PLIN1: variants seen among roughly 807,000 people sequenced by gnomAD.
The protein encoded by PLIN1 is perilipin-1.
PLIN1 carries 37 observed loss-of-function variants against 45.8 expected under a neutral mutation model. That is an observed-to-expected ratio of 0.81 (90% CI 0.62 to 1.06). The LOEUF (loss-of-function observed/expected upper bound fraction) is 1.06. PLIN1 is among the 50% of genes least tolerant of loss of function. The pLI, the probability that PLIN1 is intolerant of heterozygous loss-of-function variation, is 0.00. For synonymous variants in PLIN1, 340 were observed against 309.2 expected, an observed-to-expected ratio of 1.10 and a Z score of -1.05; for missense variants, 776 against 716.5, an observed-to-expected ratio of 1.08 and a Z score of -0.95.
Position 89,673,272 on chromosome 15 carries a change from T to C in PLIN1, c.188A>G (p.Gln63Arg). ...SVCNAYEKGV[Q>R]SASSLAAWSM... The stretch of plus-strand genomic sequence containing the variant: ...CCAGGCAGCCAAGCTACTGGCGCTC[T>C]GCACGCCCTTCTCATAGGCATTGCA... The change falls in exon 3 of 9, where the codon CAG (glutamine) becomes CGG (arginine). Residue 63 changes from glutamine (Q) to arginine (R), a missense_variant. Gln to Arg is a conservative substitution (Grantham distance 43, BLOSUM62 1). Transcript: ENST00000300055. 1.3e-6 allele frequency: 2 copies of C among 1,581,430 alleles called. No individual in the cohort carries two copies. The highest frequency in any genetic ancestry group is 1.7e-6 in the Non-Finnish European group (2 of 1,162,382).
chr15:89,667,231 T>C (rs1280311137), intron 7 of PLIN1, 50 bp from the exon 8 acceptor site: 3 of 1,607,660 alleles, frequency 1.9e-6, no homozygotes, highest in Admixed American at 1.7e-5. Flanking sequence ...CCCCTGACCC[T>C]TCCCTCCCCA....
chr15:89,666,485 G>A (rs776291137), intron 8 of PLIN1, among the ~76,000 whole-genome samples: 1 of 152,194 alleles, frequency 6.6e-6, no homozygotes, highest in African/African-American at 2.4e-5. Context: ...GTATCCCCTG[G>A]GTTTTTCCTA....
rs771132427 is a variant in PLIN1 at position 89,665,903 on chromosome 15, G to T, written c.1249C>A (p.Arg417=). Residue 417 remains arginine (R), a synonymous_variant, in exon 9 of 9, where the codon CGG becomes AGG. Transcript: ENST00000300055. ...TCGGCTGGTGGGTTGTCGATGTCCC[G>T]GAATTCGCTCTCGGGCTCCATCAGC... The part of the protein sequence containing the change: ...LSLMEPESEF[R]DIDNPPAEVE... The T allele has an allele frequency of 6.5e-7, 1 of 1,535,774 alleles. No individual in the cohort carries two copies. The highest frequency in any genetic ancestry group is 1.4e-5 in the African/African-American group (1 of 71,176).
intron 1 of PLIN1, chr15:89,677,909 C>G (rs2141541572): frequency 5.7e-6 from 1 of 174,082 alleles, no homozygotes; most frequent in Admixed American, 5.6e-5. Flanking sequence ...CACCACCACG[C>G]CCGGCTAGTT....
At chr15:89,678,281 A>G (rs969991460) in intron 1 of PLIN1, among the ~76,000 whole-genome samples, 11 of 151,806 alleles carry the variant, frequency 7.2e-5, no homozygotes, top group African/African-American at 1.9e-4. Context: ...AGTCCAAGGC[A>G]GGCAGATCAC....
At chr15:89,670,375 A>G in intron 4 of PLIN1, 131 bp from the exon 5 acceptor site, 2 of 883,076 alleles carry the variant, frequency 2.3e-6, no homozygotes, top group South Asian at 3.6e-5. Flanking sequence ...ACTGGTACTG[A>G]TATTTAGGTA....
intron 2 of PLIN1, among the ~76,000 whole-genome samples, chr15:89,674,206 A>G (rs1567079993): frequency 6.6e-6 from 1 of 152,240 alleles, no homozygotes; most frequent in Admixed American, 6.5e-5. Flanking sequence ...GGGACTTTGT[A>G]GTAAGAATCC....
Position 89,667,773 on chromosome 15 carries a change from AC to A in PLIN1, c.791del (p.Gly264ValfsTer59), listed in dbSNP as rs1305098761. On this transcript the variant is annotated frameshift_variant, in exon 7 of 9. Transcript: ENST00000300055. LOFTEE classifies it high-confidence loss of function. ...ACACCGCCTGCATGGCCACTGAGGCACCCCACTGGGCCAGGCTGCTCTGAGG... is the reference window on the plus strand; with the variant it reads ...ACACCGCCTGCATGGCCACTGAGGCACCCACTGGGCCAGGCTGCTCTGAGG... ...VVPLSSLAQW[G>X]ASVAMQAVSR... 6.4e-7 allele frequency: 1 copy of A among 1,560,074 alleles called. No individual in the cohort carries two copies.
chr15:89,666,003 C>T, intron 8 of PLIN1, 61 bp from the exon 9 acceptor site: 1 of 1,259,760 alleles, frequency 7.9e-7, no homozygotes. Flanking sequence ...GCCTCTGACC[C>T]ACCGCCCCTT....
At position 89,670,079 on chromosome 15, in the gene PLIN1, T is replaced by C; in HGVS notation, c.499A>G (p.Thr167Ala). ...CCAGAAGCCAGTCGGCCAGCTCGAG[T>C]GTTGGCAGCAAATTCCGCAGTGTCT... ...ARDTAEFAAN[T>A]RAGRLASGGA... Residue 167 changes from threonine to alanine, a missense_variant, in exon 5 of 9, where the codon ACT (threonine) becomes GCT (alanine). By Grantham distance (58) the Thr-to-Ala change is moderately conservative. Coordinates refer to ENST00000300055, the MANE Select transcript of PLIN1 (RefSeq NM_002666.5). The C allele has an allele frequency of 1.2e-6, 2 of 1,613,914 alleles. No individual in the cohort carries two copies. Among genetic ancestry groups the C allele is most frequent in the Non-Finnish European group, 1.7e-6 (2 of 1,179,964 alleles).
Position 89,667,698 on chromosome 15 carries a change from G to A in PLIN1, c.867C>T (p.Ala289=), listed in dbSNP as rs375489339. 8.2e-5 allele frequency: 131 copies of A among 1,588,680 alleles called. No individual in the cohort carries two copies. The highest frequency in any genetic ancestry group is 5.5e-4 in the East Asian group (24 of 43,566). ...VRVPWLHSLA[A]AQEEDHEDQT... The stretch of plus-strand genomic sequence containing the variant: ...GGTCCTCATGATCCTCCTCCTGGGC[G>A]GCTGCGAGGCTGTGCAGCCAGGGTA... Residue 289 remains alanine, a synonymous_variant, in exon 7 of 9, where the codon GCC becomes GCT. Coordinates refer to ENST00000300055, the MANE Select transcript of PLIN1 (RefSeq NM_002666.5).
At position 89,669,503 on chromosome 15, in the gene PLIN1, G is replaced by C. The variant is rs758633756; in HGVS notation, c.768C>G (p.Pro256=). The change falls in exon 6 of 9, where the codon CCC becomes CCG. Residue 256 remains proline, a synonymous_variant. Transcript: ENST00000300055. ...AGAGCTCACGGCAGATACTTACCAG[G>C]GGCACCACGCCTGGGATCCACATGG... ...TVAMWIPGVV[P]LSSLAQWGAS... The C allele has an allele frequency of 2.5e-6, 4 of 1,611,338 alleles. No homozygotes were observed. The highest frequency in any genetic ancestry group is 3.4e-6 in the Non-Finnish European group (4 of 1,179,788).
In PLIN1 at chr15:89,669,464, G is replaced by A. The variant is rs747845243; in HGVS notation, c.771+36C>T. On this transcript the variant is annotated intron_variant, in intron 6 of 8. Transcript: ENST00000300055. The stretch of plus-strand genomic sequence containing the variant: ...ACTAGGAGGCCCACAGGGCTCCCAG[G>A]CACCGGGTCAGTCAGAGCTCACGGC... The A allele has an allele frequency of 1.9e-6, 3 of 1,583,580 alleles. No individual in the cohort carries two copies. In the Admixed American group the frequency reaches 5.0e-5, roughly 26 times the overall value.
At chr15:89,670,804 T>C (rs1011056712) in intron 4 of PLIN1, among the ~76,000 whole-genome samples, 4 of 152,150 alleles carry the variant, frequency 2.6e-5, no homozygotes, top group African/African-American at 9.7e-5. Flanking sequence ...GGGGAGACAC[T>C]GGTTTCCTCT....
At chr15:89,669,952 C>A in intron 5 of PLIN1, 28 bp downstream of exon 5, 2 of 1,599,908 alleles carry the variant, frequency 1.3e-6, no homozygotes, top group Non-Finnish European at 1.7e-6. Flanking sequence ...CAACTCACTC[C>A]CAGGCCGAGC....
rs1964469656 is a variant in PLIN1 at position 89,673,373 on chromosome 15, C to G, written c.87G>C (p.Val29=). The change falls in exon 3 of 9, where the codon GTG becomes GTC. Residue 29 remains valine, a synonymous_variant. Coordinates refer to ENST00000300055, the MANE Select transcript of PLIN1 (RefSeq NM_002666.5). ...NVLQRVLQLP[V]VSGTCECFQK... is the part of the protein sequence containing the mutation. ...GGAAGCATTCGCAGGTGCCACTCAC[C>G]ACCGGCAGCTGCAGGACCCGCTGCA... is the stretch of plus-strand genomic sequence containing the variant. The G allele has an allele frequency of 6.2e-7, 1 of 1,604,794 alleles. No homozygotes were observed. Among genetic ancestry groups the G allele is most frequent in the East Asian group, 2.2e-5 (1 of 44,548 alleles).
At position 89,673,377 on chromosome 15, in the gene PLIN1, G is replaced by A. The variant is rs777510691; in HGVS notation, c.83C>T (p.Pro28Leu). Residue 28 changes from proline (P) to leucine (L), a missense_variant, in exon 3 of 9, where the codon CCG (proline) becomes CTG (leucine). Pro to Leu is a moderately conservative substitution (Grantham distance 98). Transcript: ENST00000300055. Reference protein sequence around the residue: ...ENVLQRVLQLPVVSGTCECFQ... With the variant: ...ENVLQRVLQLLVVSGTCECFQ... Reference sequence around the variant, plus strand: ...GCATTCGCAGGTGCCACTCACCACCGGCAGCTGCAGGACCCGCTGCAGCAC... The same window carrying A: ...GCATTCGCAGGTGCCACTCACCACCAGCAGCTGCAGGACCCGCTGCAGCAC... The A allele has an allele frequency of 1.1e-5, 18 of 1,604,232 alleles. No individual in the cohort carries two copies. Among genetic ancestry groups the A allele is most frequent in the East Asian group, 4.5e-5 (2 of 44,496 alleles).
chr15:89,673,867 C>T (rs1964478173), intron 2 of PLIN1, among the ~76,000 whole-genome samples: 1 of 152,228 alleles, frequency 6.6e-6, no homozygotes, highest in Admixed American at 6.5e-5. Flanking sequence ...GCCTAGAACG[C>T]TCACCTTCCC....
At chr15:89,677,131 G>C (rs1209148204) in intron 2 of PLIN1, 1 of 445,658 alleles carries the variant, frequency 2.2e-6, no homozygotes, top group Non-Finnish European at 4.2e-6. Context: ...GTGGTGGACA[G>C]AGCATGGGCT....
Sources: gnomAD v4.1 joint callset for allele counts (sites outside exome capture counted in the v4.1 genomes callset) on GRCh38, gnomAD v4.1.1 for gene constraint, MANE v1.5 for transcripts, NCBI Gene and HGNC (gene_info 2026-07-23, HGNC 2026-07-21) for gene names.